The following ERBB4 variants were observed in gnomAD, a reference collection of about 807,000 sequenced individuals.
ERBB4 encodes receptor tyrosine-protein kinase erbB-4.
In ERBB4, 42 loss-of-function variants were observed where a neutral mutation model predicts 158.0. That is an observed-to-expected ratio of 0.27 (90% CI 0.21 to 0.34). The LOEUF is 0.34. ERBB4 is among the 10% of genes least tolerant of loss of function. The pLI is 1.00. For synonymous variants in ERBB4, 583 were observed against 558.7 expected (o/e 1.04, Z -0.61); for missense variants, 1,333 against 1,624.1 (o/e 0.82, Z 3.08).
At chr2:212,058,989 G>A (rs1279384161) in intron 2 of ERBB4, among the ~76,000 whole-genome samples, 3 of 152,292 alleles carry the variant, frequency 2.0e-5, no homozygotes, top group Admixed American at 1.3e-4. Flanking sequence ...TAGGCATAGA[G>A]GAAGTCAAAT....
At chr2:211,941,167 T>C (rs1055617424) in intron 3 of ERBB4, among the ~76,000 whole-genome samples, 7 of 152,050 alleles carry the variant, frequency 4.6e-5, no homozygotes, top group Non-Finnish European at 8.8e-5. Context: ...TTTTCACTGA[T>C]TCTCTCTGAC....
intron 12 of ERBB4, among the ~76,000 whole-genome samples, chr2:211,700,942 T>C (rs1348485553): frequency 2.6e-5 from 4 of 152,196 alleles, no homozygotes; most frequent in Admixed American, 2.0e-4. Context: ...CAGATGGTTG[T>C]ACTCATAATA....
intron 25 of ERBB4, among the ~76,000 whole-genome samples, chr2:211,419,896 A>G (rs3791704): frequency 0.27 from 41,098 of 151,974 alleles, 6,358 homozygotes; most frequent in South Asian, 0.54. Context: ...ACTTAAATCT[A>G]CTTCTTAAAA....
chr2:212,493,051 G>T (rs1025107950), intron 1 of ERBB4, among the ~76,000 whole-genome samples: 1 of 151,276 alleles, frequency 6.6e-6, no homozygotes, highest in Non-Finnish European at 1.5e-5. Flanking sequence ...TGAACGTATG[G>T]TGTTAAATAC....
chr2:212,117,972 T>A (rs1050090951), intron 2 of ERBB4, among the ~76,000 whole-genome samples: 1 of 152,212 alleles, frequency 6.6e-6, no homozygotes, highest in African/African-American at 2.4e-5. Flanking sequence ...GTATAAATTA[T>A]CTATTTATTT....
At chr2:211,502,357 T>C (rs929882283) in intron 20 of ERBB4, among the ~76,000 whole-genome samples, 2 of 152,156 alleles carry the variant, frequency 1.3e-5, no homozygotes, top group African/African-American at 2.4e-5. Flanking sequence ...AGAAAGCTAA[T>C]ATATTGAGTG....
intron 20 of ERBB4, among the ~76,000 whole-genome samples, chr2:211,483,875 G>A (rs778204380): frequency 6.6e-5 from 10 of 152,078 alleles, no homozygotes; most frequent in Non-Finnish European, 1.3e-4. Context: ...ATTTCTTGTT[G>A]AGAATAATAC....
intron 25 of ERBB4, among the ~76,000 whole-genome samples, chr2:211,412,902 C>T (rs1280676001): frequency 8.2e-5 from 12 of 146,712 alleles, no homozygotes; most frequent in Non-Finnish European, 8.9e-5. Flanking sequence ...TGCAATGAGC[C>T]GAGATCGCTC....
chr2:211,481,801 C>T (rs2065089581), intron 20 of ERBB4, among the ~76,000 whole-genome samples: 1 of 152,066 alleles, frequency 6.6e-6, no homozygotes, highest in South Asian at 2.1e-4. Context: ...ATAAAATCCA[C>T]CATAGTTTTA....
At chr2:211,439,324 T>C (rs1210490446) in intron 20 of ERBB4, among the ~76,000 whole-genome samples, 1 of 147,952 alleles carries the variant, frequency 6.8e-6, no homozygotes, top group Non-Finnish European at 1.5e-5. Flanking sequence ...AATTCACAAA[T>C]AGTTAGTTGG....
intron 1 of ERBB4, among the ~76,000 whole-genome samples, chr2:212,147,619 G>C (rs2080725415): frequency 6.6e-6 from 1 of 152,082 alleles, no homozygotes. Context: ...AAACATATGA[G>C]AAAGGAAAGA....
At chr2:211,641,039 T>C (rs1337502943) in intron 16 of ERBB4, among the ~76,000 whole-genome samples, 1 of 152,176 alleles carries the variant, frequency 6.6e-6, no homozygotes. Context: ...TCTATATCAT[T>C]TCATTCAACT....
chr2:211,889,636 G>T (rs962968914), intron 3 of ERBB4, among the ~76,000 whole-genome samples: 1 of 146,960 alleles, frequency 6.8e-6, no homozygotes, highest in Non-Finnish European at 1.5e-5. Context: ...CAAACCAAAG[G>T]CAAAGAAGTT....
intron 1 of ERBB4, among the ~76,000 whole-genome samples, chr2:212,524,244 T>G (rs1023667367): frequency 3.9e-5 from 6 of 152,072 alleles, no homozygotes; most frequent in African/African-American, 1.4e-4. Flanking sequence ...AATATTGTAT[T>G]TTAACTTTGT....
chr2:211,518,702 G>T (rs930470481), intron 20 of ERBB4, among the ~76,000 whole-genome samples: 1 of 151,920 alleles, frequency 6.6e-6, no homozygotes, highest in South Asian at 2.1e-4. Context: ...TTTAGTAGAT[G>T]ACTTATATTA....
chr2:211,594,368 G>A (rs1425740336), intron 19 of ERBB4, among the ~76,000 whole-genome samples: 1 of 151,986 alleles, frequency 6.6e-6, no homozygotes, highest in African/African-American at 2.4e-5. Flanking sequence ...GAAGCTGAGA[G>A]GCAGAGGTTG....
chr2:212,055,206 C>T (rs915368810), intron 2 of ERBB4, among the ~76,000 whole-genome samples: 9 of 152,296 alleles, frequency 5.9e-5, no homozygotes, highest in African/African-American at 2.2e-4. Context: ...ATTGCTAGCA[C>T]AGCAGTCTGA....
Position 211,504,966 on chromosome 2 carries a change from T to G in ERBB4, c.2487+56937A>C, listed in dbSNP as rs11894339. 4.3e-3 allele frequency among the ~76,000 whole-genome samples: 654 copies of G among 152,126 alleles called. 4 individuals carry two copies. Among genetic ancestry groups the G allele is most frequent in the African/African-American group, 0.015 (609 of 41,544 alleles). ...TATAGCATATGAAAAGCAACCAAAC[T>G]GAAGACTTAAAAACATTCTTGAGGG... On this transcript the variant is annotated intron_variant, in intron 20 of 27. Transcript: ENST00000342788.
At chr2:211,471,723 G>A (rs1350645786) in intron 20 of ERBB4, among the ~76,000 whole-genome samples, 1 of 152,128 alleles carries the variant, frequency 6.6e-6, no homozygotes. Flanking sequence ...AGTCTCCATG[G>A]AGAAGTAGGA....
Sources: allele counts gnomAD v4.1 joint callset (sites outside exome capture counted in the v4.1 genomes callset), GRCh38; gene constraint gnomAD v4.1.1; transcripts MANE v1.5; gene names NCBI Gene and HGNC (gene_info 2026-07-23, HGNC 2026-07-21).